OXR1: variants seen among roughly 807,000 people sequenced by gnomAD.
OXR1 encodes the protein oxidation resistance 1, also known as oxidation resistance protein 1.
In OXR1, 41 loss-of-function variants were observed where a neutral mutation model predicts 104.6. That is an observed-to-expected ratio of 0.39 (90% CI 0.31 to 0.51). OXR1 has a LOEUF of 0.51. Among genes scored for constraint, OXR1 ranks in the 20% least tolerant of loss-of-function variants. The pLI is 0.77. For synonymous variants in OXR1, 348 were observed against 348.4 expected, an observed-to-expected ratio of 1.00 and a Z score of 0.01; for missense variants, 955 against 1,031.9, an observed-to-expected ratio of 0.93 and a Z score of 1.02.
intron 2 of OXR1, among the ~76,000 whole-genome samples, chr8:106,490,860 AG>A (rs1811038209): frequency 6.6e-6 from 1 of 152,000 alleles, no homozygotes; most frequent in South Asian, 2.1e-4. Flanking sequence ...GCGTGTGTGG[AG>A]GGGGGAGCTG....
intron 2 of OXR1, among the ~76,000 whole-genome samples, chr8:106,473,746 G>A (rs1356133979): frequency 6.6e-6 from 1 of 151,124 alleles, no homozygotes; most frequent in Non-Finnish European, 1.5e-5. Flanking sequence ...ATGAACTTGA[G>A]CATTTGCGGT....
At chr8:106,536,548 G>A (rs908029805) in intron 3 of OXR1, among the ~76,000 whole-genome samples, 15 of 152,194 alleles carry the variant, frequency 9.9e-5, no homozygotes, top group African/African-American at 3.1e-4. Flanking sequence ...ATAGTCAGAT[G>A]TAACTTGACT....
At chr8:106,464,563 T>C (rs577236820) in intron 2 of OXR1, among the ~76,000 whole-genome samples, 1 of 152,104 alleles carries the variant, frequency 6.6e-6, no homozygotes, top group South Asian at 2.1e-4. Context: ...GCTTTCGACG[T>C]GACAAATGTC....
intron 2 of OXR1, among the ~76,000 whole-genome samples, chr8:106,487,339 C>CTTTTTTTTTT (rs71307062): frequency 7.7e-6 from 1 of 129,206 alleles, no homozygotes; most frequent in Non-Finnish European, 1.6e-5. Flanking sequence ...CCAGGTATTT[C>CTTTTTTTTTT]TTTTTTTTTT....
chr8:106,384,566 G>A (rs1817289433), intron 2 of OXR1, among the ~76,000 whole-genome samples: 1 of 152,014 alleles, frequency 6.6e-6, no homozygotes, highest in South Asian at 2.1e-4. Context: ...GGCAGGAGGA[G>A]CTATCTTAGG....
At chr8:106,492,507 G>C (rs1385789046) in intron 2 of OXR1, among the ~76,000 whole-genome samples, 1 of 152,136 alleles carries the variant, frequency 6.6e-6, no homozygotes, top group Admixed American at 6.5e-5. Flanking sequence ...CTGCTTTTAT[G>C]GTTCTCTGAG....
intron 2 of OXR1, among the ~76,000 whole-genome samples, chr8:106,364,610 A>C (rs971125119): frequency 4.6e-4 from 16 of 34,604 alleles, no homozygotes; most frequent in African/African-American, 2.0e-3. Flanking sequence ...AAAAACAAAA[A>C]AAGTAATAAT....
chr8:106,321,718 G>A (rs1163738297), intron 1 of OXR1, among the ~76,000 whole-genome samples: 1 of 152,140 alleles, frequency 6.6e-6, no homozygotes, highest in East Asian at 1.9e-4. Context: ...GTTATAAATT[G>A]CTTTTGCTTC....
intron 1 of OXR1, among the ~76,000 whole-genome samples, chr8:106,306,315 A>G (rs1234543367): frequency 6.6e-6 from 1 of 152,100 alleles, no homozygotes; most frequent in South Asian, 2.1e-4. Context: ...ATCATAATAC[A>G]TTGGGTTTTA....
chr8:106,535,809 A>G (rs1233271140), intron 3 of OXR1, among the ~76,000 whole-genome samples: 3 of 152,226 alleles, frequency 2.0e-5, no homozygotes, highest in Admixed American at 2.0e-4. Flanking sequence ...CAGGCTTTCT[A>G]TAAATTTCCT....
chr8:106,343,272 C>A (rs1815330725), intron 1 of OXR1, among the ~76,000 whole-genome samples: 1 of 152,214 alleles, frequency 6.6e-6, no homozygotes, highest in South Asian at 2.1e-4. Flanking sequence ...TGGCTCTTCA[C>A]AGCCTCTGGG....
chr8:106,739,533 C>A lies in OXR1; in HGVS notation c.2113C>A (p.Pro705Thr). The change falls in exon 13 of 17, where the codon CCA (proline) becomes ACA (threonine). Residue 705 changes from proline (P) to threonine (T), a missense_variant. Physicochemically the swap from Pro to Thr is conservative, Grantham distance 38. Transcript: ENST00000517566. The part of the protein sequence containing the change: ...KADLESESFR[P>T]NLSDPSELLL... ...AGACCTGGAGTCTGAATCTTTTCGA[C>A]CAAACCTAAGTGATCCCAGTGAACT... is the stretch of plus-strand genomic sequence containing the variant. 1 of 1,613,412 alleles carries A rather than the reference C, an allele frequency of 6.2e-7. No homozygotes were observed. Among genetic ancestry groups the A allele is most frequent in the Non-Finnish European group, 8.5e-7 (1 of 1,179,612 alleles).
At chr8:106,314,700 T>A (rs1445019300) in intron 1 of OXR1, among the ~76,000 whole-genome samples, 2 of 152,188 alleles carry the variant, frequency 1.3e-5, no homozygotes, top group Non-Finnish European at 2.9e-5. Flanking sequence ...AAGCAGGTAC[T>A]CAAACCCAGT....
intron 2 of OXR1, among the ~76,000 whole-genome samples, chr8:106,437,435 A>G (rs1819622541): frequency 6.6e-6 from 1 of 152,200 alleles, no homozygotes; most frequent in South Asian, 2.1e-4. Context: ...ATAAGACTGC[A>G]CTATTTTCTG....
intron 3 of OXR1, among the ~76,000 whole-genome samples, chr8:106,653,109 T>C (rs1241497142): frequency 6.8e-6 from 1 of 147,474 alleles, no homozygotes; most frequent in Non-Finnish European, 1.5e-5. Context: ...TGGTAAATGA[T>C]TATAGTAATT....
intron 2 of OXR1, among the ~76,000 whole-genome samples, chr8:106,489,307 A>G (rs184456849): frequency 1.6e-3 from 242 of 152,292 alleles, no homozygotes; most frequent in African/African-American, 5.4e-3. Context: ...TTGCTTAACC[A>G]GGTATTTCTA....
intron 3 of OXR1, chr8:106,581,240 T>C (rs1163529598): frequency 7.8e-7 from 1 of 1,288,330 alleles, no homozygotes; most frequent in Non-Finnish European, 1.0e-6. Context: ...CCAATATCCA[T>C]GAAGCTGAGA....
At position 106,751,866 on chromosome 8, in the gene OXR1, G is replaced by C. The variant is rs1336107834; in HGVS notation, c.*925G>C. 1 of 151,066 alleles carries C rather than the reference G, an allele frequency of 6.6e-6. No homozygotes were observed. Among genetic ancestry groups the C allele is most frequent in the Non-Finnish European group, 1.5e-5 (1 of 67,552 alleles). The allele number at this position is 151,066 out of a possible 1,614,324, so 9.4% of individuals were successfully genotyped here. A position where few individuals can be genotyped will look rare whatever the true frequency, so the allele number is the denominator to read the frequency against. ...AAATATAGGTTACTCTTGTTCAAAA[G>C]GAAAAAAAAAATTGTGATTTTCTTT... is the stretch of plus-strand genomic sequence containing the variant. On this transcript the variant is annotated 3_prime_UTR_variant, in exon 17 of 17. Transcript: ENST00000517566.
intron 8 of OXR1, among the ~76,000 whole-genome samples, chr8:106,703,316 T>G (rs1170256959): frequency 2.0e-5 from 3 of 152,196 alleles, no homozygotes; most frequent in Non-Finnish European, 2.9e-5. Context: ...GAACCAGATA[T>G]TTGAAAAGTA....
Sources: gnomAD v4.1 joint callset for allele counts (sites outside exome capture counted in the v4.1 genomes callset) on GRCh38, gnomAD v4.1.1 for gene constraint, MANE v1.5 for transcripts, NCBI Gene and HGNC (gene_info 2026-07-23, HGNC 2026-07-21) for gene names.